Variants in ZFPM2 observed in about 807,000 individuals in gnomAD.
The protein encoded by ZFPM2 is zinc finger protein, FOG family member 2, also known as zinc finger protein ZFPM2.
Under a neutral mutation model 98.6 loss-of-function variants are expected in ZFPM2, and 20 were observed. The ratio of observed to expected loss-of-function variants is 0.20; its 90% CI spans 0.14 to 0.29. ZFPM2 has a LOEUF of 0.29. Ranked by LOEUF, ZFPM2 falls within the 10% of genes least tolerant of loss-of-function variation. The probability of loss-of-function intolerance (pLI) is 1.00; values close to 1 mark genes in which losing one functional copy is unlikely to be tolerated. For missense variants in ZFPM2, 1,310 were observed against 1,388.6 expected, an observed-to-expected ratio of 0.94 and a Z score of 0.90; for synonymous variants, 518 against 502.7, an observed-to-expected ratio of 1.03 and a Z score of -0.41.
chr8:105,799,443 G>A (rs1813934235), intron 7 of ZFPM2, among the ~76,000 whole-genome samples: 2 of 152,106 alleles, frequency 1.3e-5, no homozygotes, highest in African/African-American at 4.8e-5. Flanking sequence ...AAATATTTCT[G>A]ACTTCCAAAA....
At chr8:105,487,458 A>G (rs974773172) in intron 3 of ZFPM2, among the ~76,000 whole-genome samples, 2 of 152,118 alleles carry the variant, frequency 1.3e-5, no homozygotes, top group African/African-American at 4.8e-5. Context: ...TAATTTATTC[A>G]TTGTTTTCCC....
chr8:105,528,095 A>G (rs1051963882), intron 3 of ZFPM2, among the ~76,000 whole-genome samples: 1 of 152,172 alleles, frequency 6.6e-6, no homozygotes, highest in African/African-American at 2.4e-5. Flanking sequence ...TGCAGACTGC[A>G]CTTCTAGAAA....
At chr8:105,441,466 GAAA>G (rs1812242817) in intron 2 of ZFPM2, among the ~76,000 whole-genome samples, 2 of 64,410 alleles carry the variant, frequency 3.1e-5, no homozygotes, top group African/African-American at 1.5e-4. Flanking sequence ...AAGAAAGAAA[GAAA>G]GAAAGAAAGA....
At chr8:105,713,045 A>G (rs1811440884) in intron 5 of ZFPM2, among the ~76,000 whole-genome samples, 1 of 152,066 alleles carries the variant, frequency 6.6e-6, no homozygotes, top group Admixed American at 6.6e-5. Context: ...CTTTGGGTAT[A>G]TATCCAGTAA....
intron 1 of ZFPM2, among the ~76,000 whole-genome samples, chr8:105,360,754 G>A (rs1290247171): frequency 2.7e-5 from 4 of 145,906 alleles, no homozygotes; most frequent in African/African-American, 1.0e-4. Flanking sequence ...ATAGTTTACT[G>A]AGAATGATGA....
chr8:105,412,974 G>C (rs1411573136), intron 1 of ZFPM2, among the ~76,000 whole-genome samples: 7 of 151,858 alleles, frequency 4.6e-5, no homozygotes, highest in Non-Finnish European at 1.0e-4. Context: ...AAACGTATTA[G>C]TAATTTCAAG....
chr8:105,797,939 AG>A (rs1212209310), intron 6 of ZFPM2, among the ~76,000 whole-genome samples: 3 of 152,174 alleles, frequency 2.0e-5, no homozygotes, highest in Non-Finnish European at 4.4e-5. Flanking sequence ...ATGCTTCCTA[AG>A]GGCAGCTGTT....
At chr8:105,495,471 A>G (rs1342003787) in intron 3 of ZFPM2, among the ~76,000 whole-genome samples, 1 of 152,118 alleles carries the variant, frequency 6.6e-6, no homozygotes, top group Non-Finnish European at 1.5e-5. Context: ...TTTTTTGTGA[A>G]TCTTCCACCA....
At chr8:105,649,126 T>C (rs1281569544) in intron 5 of ZFPM2, among the ~76,000 whole-genome samples, 1 of 152,196 alleles carries the variant, frequency 6.6e-6, no homozygotes, top group Non-Finnish European at 1.5e-5. Flanking sequence ...AGGTATTTTG[T>C]TCTCTTTGAA....
At chr8:105,642,403 T>C (rs1488690384) in intron 5 of ZFPM2, among the ~76,000 whole-genome samples, 1 of 152,156 alleles carries the variant, frequency 6.6e-6, no homozygotes, top group Non-Finnish European at 1.5e-5. Flanking sequence ...TTCACTTTGA[T>C]TATTTTACTT....
At chr8:105,671,243 T>G (rs1817588021) in intron 5 of ZFPM2, among the ~76,000 whole-genome samples, 1 of 152,006 alleles carries the variant, frequency 6.6e-6, no homozygotes, top group African/African-American at 2.4e-5. Context: ...CTCTGTCTCT[T>G]GTGAGATTAA....
At position 105,511,079 on chromosome 8, in the gene ZFPM2, A is replaced by G. The variant is rs940540445; in HGVS notation, c.302-50284A>G. The stretch of plus-strand genomic sequence containing the variant: ...TAGCACTCAGGAATGCTGTCTCTGG[A>G]CCAGCCACTGAATCTTCCCACTGAG... On this transcript the variant is annotated intron_variant, in intron 3 of 7. Coordinates refer to ENST00000407775, the MANE Select transcript of ZFPM2 (RefSeq NM_012082.4). Among the ~76,000 whole-genome samples the G allele has an allele frequency of 2.0e-5, 3 of 152,218 alleles. No individual in the cohort carries two copies. In the East Asian group the frequency reaches 5.8e-4, roughly 29 times the overall value.
chr8:105,614,940 G>A (rs926966342), intron 4 of ZFPM2, among the ~76,000 whole-genome samples: 2 of 152,016 alleles, frequency 1.3e-5, no homozygotes, highest in African/African-American at 4.8e-5. Context: ...ACTATCAACT[G>A]GCCTTATCAT....
chr8:105,441,457 A>AAG (rs1563659923), intron 2 of ZFPM2, among the ~76,000 whole-genome samples: 1 of 81,896 alleles, frequency 1.2e-5, no homozygotes. Context: ...AGAGAGAGAA[A>AAG]GAAAGAAAGA....
At chr8:105,708,721 G>C (rs1211432390) in intron 5 of ZFPM2, among the ~76,000 whole-genome samples, 1 of 152,120 alleles carries the variant, frequency 6.6e-6, no homozygotes, top group Non-Finnish European at 1.5e-5. Flanking sequence ...TGGGATTATT[G>C]GCATGAGTCA....
chr8:105,613,740 G>A (rs1454559867), intron 4 of ZFPM2, among the ~76,000 whole-genome samples: 2 of 152,070 alleles, frequency 1.3e-5, no homozygotes, highest in Admixed American at 1.3e-4. Flanking sequence ...TGAAGAATGA[G>A]GAGAACTTGG....
chr8:105,786,041 CAAAAAAAAA>C (rs60740995), intron 5 of ZFPM2, among the ~76,000 whole-genome samples: 2 of 39,848 alleles, frequency 5.0e-5, no homozygotes, highest in East Asian at 2.1e-3. Flanking sequence ...GACTCCGTCT[CAAAAAAAAA>C]AAAAAAAAAA....
At chr8:105,669,125 T>C (rs1401375249) in intron 5 of ZFPM2, among the ~76,000 whole-genome samples, 1 of 152,102 alleles carries the variant, frequency 6.6e-6, no homozygotes. Context: ...TTACAATGAC[T>C]ATATTGCAAG....
chr8:105,351,354 C>CGTGTGTGTGTGTGTGT (rs139105567), intron 1 of ZFPM2, among the ~76,000 whole-genome samples: 23 of 144,844 alleles, frequency 1.6e-4, no homozygotes, highest in African/African-American at 5.7e-4. Flanking sequence ...TGCATTATTT[C>CGTGTGTGTGTGTGTGT]GTGTGTGTGT....
Sources: allele counts gnomAD v4.1 joint callset (sites outside exome capture counted in the v4.1 genomes callset), GRCh38; gene constraint gnomAD v4.1.1; transcripts MANE v1.5; gene names NCBI Gene and HGNC (gene_info 2026-07-23, HGNC 2026-07-21).